PTPRD: variants seen among roughly 807,000 people sequenced by gnomAD.
PTPRD encodes the protein protein tyrosine phosphatase receptor type D, also known as receptor-type tyrosine-protein phosphatase delta.
In PTPRD, 34 loss-of-function variants were observed where a neutral mutation model predicts 214.5. The ratio of observed to expected loss-of-function variants is 0.16; its 90% CI spans 0.12 to 0.21. PTPRD has a LOEUF of 0.21. Among genes scored for constraint, PTPRD ranks in the 10% least tolerant of loss-of-function variants. The pLI, the probability that PTPRD is intolerant of heterozygous loss-of-function variation, is 1.00. For synonymous variants in PTPRD, 1,128 were observed against 845.7 expected (o/e 1.33, Z -5.79); for missense variants, 2,545 against 2,398.7 (o/e 1.06, Z -1.27).
intron 8 of PTPRD, among the ~76,000 whole-genome samples, chr9:9,430,764 C>G (rs2082778064): frequency 6.6e-6 from 1 of 152,164 alleles, no homozygotes; most frequent in African/African-American, 2.4e-5. Context: ...CTACAACCAT[C>G]TGATCTTTGA....
intron 43 of PTPRD, among the ~76,000 whole-genome samples, chr9:8,332,970 G>T (rs80084447): frequency 1.3e-5 from 2 of 152,164 alleles, no homozygotes; most frequent in Middle Eastern, 3.4e-3. Context: ...AAGTGAACAG[G>T]GACTCAATCC....
chr9:8,759,271 T>A (rs2094244322), intron 11 of PTPRD, among the ~76,000 whole-genome samples: 1 of 152,152 alleles, frequency 6.6e-6, no homozygotes, highest in Non-Finnish European at 1.5e-5. Context: ...AGGCTGATGT[T>A]GAACTCCTGG....
intron 14 of PTPRD, among the ~76,000 whole-genome samples, chr9:8,571,672 A>G (rs566656382): frequency 6.6e-6 from 1 of 152,292 alleles, no homozygotes; most frequent in African/African-American, 2.4e-5. Context: ...TAGAAAAACA[A>G]TATTTAATAA....
At chr9:9,307,760 G>T (rs1957585907) in intron 9 of PTPRD, among the ~76,000 whole-genome samples, 1 of 152,206 alleles carries the variant, frequency 6.6e-6, no homozygotes, top group Middle Eastern at 3.4e-3. Context: ...AAAATCCTTA[G>T]CTTAACACAC....
chr9:8,811,379 T>C (rs1352459359), intron 11 of PTPRD, among the ~76,000 whole-genome samples: 1 of 152,056 alleles, frequency 6.6e-6, no homozygotes, highest in Non-Finnish European at 1.5e-5. Context: ...GTTTATGACC[T>C]CCAGCACCTG....
intron 3 of PTPRD, among the ~76,000 whole-genome samples, chr9:10,061,113 G>A (rs758785072): frequency 6.6e-6 from 1 of 151,556 alleles, no homozygotes; most frequent in Non-Finnish European, 1.5e-5. Flanking sequence ...TCAGCCAAGG[G>A]TATGATATAT....
intron 3 of PTPRD, among the ~76,000 whole-genome samples, chr9:10,169,286 A>G: frequency 6.6e-6 from 1 of 151,564 alleles, no homozygotes; most frequent in African/African-American, 2.4e-5. Context: ...CATCCTGGCT[A>G]ACACAGTGAA....
chr9:9,847,396 C>G (rs1360886513), intron 5 of PTPRD, among the ~76,000 whole-genome samples: 1 of 152,034 alleles, frequency 6.6e-6, no homozygotes, highest in Non-Finnish European at 1.5e-5. Flanking sequence ...TATTTTGATA[C>G]TTCAGGAAAT....
At chr9:9,191,956 A>G (rs1434114611) in intron 9 of PTPRD, among the ~76,000 whole-genome samples, 1 of 152,074 alleles carries the variant, frequency 6.6e-6, no homozygotes, top group Non-Finnish European at 1.5e-5. Context: ...TTTTTATTAG[A>G]CCATTTTCAT....
At chr9:8,546,037 C>G (rs1301533555) in intron 14 of PTPRD, among the ~76,000 whole-genome samples, 3 of 152,210 alleles carry the variant, frequency 2.0e-5, no homozygotes, top group Non-Finnish European at 4.4e-5. Flanking sequence ...TTAGCCTTAA[C>G]ACAGATCAGT....
At chr9:8,500,470 G>A (rs761209287) in intron 24 of PTPRD, among the ~76,000 whole-genome samples, 1 of 148,380 alleles carries the variant, frequency 6.7e-6, no homozygotes, top group African/African-American at 2.5e-5. Context: ...TTTAGATGGA[G>A]GCACAGAGAC....
At chr9:8,466,945 A>G (rs1300038129) in intron 31 of PTPRD, among the ~76,000 whole-genome samples, 3 of 151,840 alleles carry the variant, frequency 2.0e-5, no homozygotes, top group Non-Finnish European at 4.4e-5. Flanking sequence ...TTCAGACTGT[A>G]TATATGATAA....
At position 10,366,698 on chromosome 9, in the gene PTPRD, G is replaced by C. The variant is rs536365675; in HGVS notation, c.-599-25681C>G. On this transcript the variant is annotated intron_variant, in intron 2 of 45. Coordinates refer to ENST00000381196, the MANE Select transcript of PTPRD (RefSeq NM_002839.4). ...TGAGTGATGTAATGAACCTCCATTT[G>C]CTCACAACTCAGCTTAAGCAATTAT... Among the ~76,000 whole-genome samples the C allele has an allele frequency of 7.9e-5, 12 of 152,120 alleles. No homozygotes were observed. In the South Asian group the frequency reaches 2.1e-3, roughly 26 times the overall value.
intron 3 of PTPRD, among the ~76,000 whole-genome samples, chr9:10,297,836 C>A (rs2095729703): frequency 6.6e-6 from 1 of 152,056 alleles, no homozygotes; most frequent in South Asian, 2.1e-4. Context: ...CGGATTATGT[C>A]AGCTCTAGTC....
intron 10 of PTPRD, chr9:9,091,016 T>G: frequency 6.4e-7 from 1 of 1,570,710 alleles, no homozygotes; most frequent in African/African-American, 1.3e-5. Flanking sequence ...AAGAAATTCG[T>G]CATTCGAAAC....
chr9:9,603,158 G>A (rs1333168358), intron 7 of PTPRD, among the ~76,000 whole-genome samples: 1 of 152,152 alleles, frequency 6.6e-6, no homozygotes, highest in Non-Finnish European at 1.5e-5. Context: ...AAATTGCATA[G>A]ATAGGGTTCT....
chr9:8,479,976 G>A (rs886446175), intron 30 of PTPRD, among the ~76,000 whole-genome samples: 7 of 151,946 alleles, frequency 4.6e-5, no homozygotes, highest in African/African-American at 7.3e-5. Flanking sequence ...CACCCAAATT[G>A]GGCTAAAACT....
At chr9:8,527,023 G>A (rs1025193282) in intron 16 of PTPRD, among the ~76,000 whole-genome samples, 1 of 151,454 alleles carries the variant, frequency 6.6e-6, no homozygotes, top group Non-Finnish European at 1.5e-5. Context: ...ATCTATTTAA[G>A]TATATATATA....
chr9:8,736,700 T>TA lies in PTPRD; in HGVS notation c.-103-2755_-103-2754insT, dbSNP rs1246139735. Among the ~76,000 whole-genome samples, 858 of 150,984 alleles carry TA rather than the reference T, an allele frequency of 5.7e-3. 7 individuals carry two copies. The highest frequency in any genetic ancestry group is 0.02 in the African/African-American group (822 of 40,996). The stretch of plus-strand genomic sequence containing the variant: ...CACTCTACCATTCTATTAGATAGTC[T>TA]CCTTTTTTTTTTTTTAAACAGTGGG... On this transcript the variant is annotated intron_variant, in intron 11 of 45. Transcript: ENST00000381196.
Sources: gnomAD v4.1 joint callset for allele counts (sites outside exome capture counted in the v4.1 genomes callset) on GRCh38, gnomAD v4.1.1 for gene constraint, MANE v1.5 for transcripts, NCBI Gene and HGNC (gene_info 2026-07-23, HGNC 2026-07-21) for gene names.